The following LYST variants were observed in gnomAD, a reference collection of about 807,000 sequenced individuals.
LYST encodes lysosomal trafficking regulator.
In LYST, 192 loss-of-function variants were observed where a neutral mutation model predicts 413.6. The ratio of observed to expected loss-of-function variants is 0.46; its 90% CI spans 0.41 to 0.52. LYST has a LOEUF of 0.52. LYST is among the 20% of genes least tolerant of loss of function. The pLI is 0.00. For missense variants in LYST, 3,815 were observed against 4,499.9 expected (o/e 0.85, Z 4.35); for synonymous variants, 1,525 against 1,567.3 (o/e 0.97, Z 0.64).
intron 1 of LYST, among the ~76,000 whole-genome samples, chr1:235,876,170 C>T (rs1440379595): frequency 1.3e-5 from 2 of 151,708 alleles, no homozygotes; most frequent in African/African-American, 2.4e-5. Flanking sequence ...TGCAGTGAGC[C>T]GAGATCATGT....
chr1:235,781,986 T>C lies in LYST; in HGVS notation c.4964A>G (p.Gln1655Arg). Residue 1655 changes from glutamine (Q) to arginine (R), a missense_variant, in exon 15 of 53, where the codon CAA becomes CGA. Coordinates refer to ENST00000389793, the MANE Select transcript of LYST (RefSeq NM_000081.4). ...TCCAGCCAACTGCAAAAACTCTTCT[T>C]GGGATGATAAACAATGGCCAATCAT... ...FCMIGHCLSS[Q>R]EEFLQLAGKW... 1 of 1,613,956 alleles carries C rather than the reference T, an allele frequency of 6.2e-7. No homozygotes were observed. Among genetic ancestry groups the C allele is most frequent in the Non-Finnish European group, 8.5e-7 (1 of 1,179,876 alleles).
chr1:235,834,507 GGATT>G (rs1676336666), intron 1 of LYST, among the ~76,000 whole-genome samples: 1 of 152,064 alleles, frequency 6.6e-6, no homozygotes, highest in Non-Finnish European at 1.5e-5. Context: ...CAAAGTACTG[GGATT>G]ACAGGCGTGA....
chr1:235,796,788 G>A (rs1671597753), intron 10 of LYST, among the ~76,000 whole-genome samples: 1 of 152,192 alleles, frequency 6.6e-6, no homozygotes, highest in Non-Finnish European at 1.5e-5. Flanking sequence ...CCAGAACTGT[G>A]AGAAAATAAA....
chr1:235,760,396 T>C (rs1667472189), intron 22 of LYST, among the ~76,000 whole-genome samples: 1 of 152,254 alleles, frequency 6.6e-6, no homozygotes, highest in Non-Finnish European at 1.5e-5. Flanking sequence ...TCCTCCATTT[T>C]TGCAGTCACT....
chr1:235,699,590 A>G lies in LYST; in HGVS notation c.10375-2318T>C, dbSNP rs183230507. Among the ~76,000 whole-genome samples the G allele has an allele frequency of 2.0e-5, 3 of 152,328 alleles. No individual in the cohort carries two copies. In the East Asian group the frequency reaches 5.8e-4, roughly 29 times the overall value. On this transcript the variant is annotated intron_variant, in intron 45 of 52. Coordinates refer to ENST00000389793, the MANE Select transcript of LYST (RefSeq NM_000081.4). Reference sequence around the variant, plus strand: ...ATGATTTATATTCCTTTGAGTATATACCCAGTAATGGGATTGCTGAGTCAA... The same window carrying G: ...ATGATTTATATTCCTTTGAGTATATGCCCAGTAATGGGATTGCTGAGTCAA...
At chr1:235,801,906 CTA>C (rs1387946044) in intron 8 of LYST, among the ~76,000 whole-genome samples, 1 of 152,026 alleles carries the variant, frequency 6.6e-6, no homozygotes, top group Non-Finnish European at 1.5e-5. Flanking sequence ...TCAGTGAAGA[CTA>C]GCAGTGGCTG....
chr1:235,845,728 C>A (rs527874300), intron 1 of LYST, among the ~76,000 whole-genome samples: 1 of 152,170 alleles, frequency 6.6e-6, no homozygotes, highest in Non-Finnish European at 1.5e-5. Context: ...CCCCCACTTC[C>A]CTGACAACCT....
At chr1:235,713,476 C>T (rs1293770189) in intron 42 of LYST, among the ~76,000 whole-genome samples, 2 of 152,198 alleles carry the variant, frequency 1.3e-5, no homozygotes, top group African/African-American at 4.8e-5. Context: ...TTTTATTAAA[C>T]AGTACTACTA....
intron 46 of LYST, among the ~76,000 whole-genome samples, chr1:235,696,659 T>G (rs1239655832): frequency 6.6e-6 from 1 of 152,192 alleles, no homozygotes; most frequent in Non-Finnish European, 1.5e-5. Flanking sequence ...AAGGATTGGT[T>G]TTCAGGAATA....
At position 235,809,009 on chromosome 1, in the gene LYST, T is replaced by C. The variant is rs754157908; in HGVS notation, c.1809A>G (p.Ala603=). Residue 603 remains alanine (A), a synonymous_variant, in exon 5 of 53, where the codon GCA becomes GCG. Coordinates refer to ENST00000389793, the MANE Select transcript of LYST (RefSeq NM_000081.4). This position sits in a 1 kb window ranked among gnomAD's most constrained non-coding sequence, Gnocchi z 4.0. ...ATATATGCTGCTGAAAATTTTTCAG[T>C]GCTGGCAATTTAAAAGCATGGAGCA... The part of the protein sequence containing the change: ...IPLLHAFKLP[A]LKNFQQHILN... The C allele has an allele frequency of 3.7e-6, 6 of 1,613,932 alleles. No individual in the cohort carries two copies. The highest frequency in any genetic ancestry group is 1.7e-5 in the Admixed American group (1 of 59,994).
Position 235,682,772 on chromosome 1 carries a change from T to C in LYST, c.10800+4177A>G, listed in dbSNP as rs1018856411. 8.5e-5 allele frequency among the ~76,000 whole-genome samples: 13 copies of C among 152,228 alleles called. 1 individual carries two copies. The highest frequency in any genetic ancestry group is 8.5e-4 in the Admixed American group (13 of 15,288). ...AATATTAACTATTATTTTTATTATG[T>C]CATTTCTAGAAGTTCTATTTTATTT... On this transcript the variant is annotated intron_variant, in intron 48 of 52. Transcript: ENST00000389793.
chr1:235,729,553 A>G, intron 37 of LYST, 43 bp downstream of exon 37: 1 of 1,237,186 alleles, frequency 8.1e-7, no homozygotes, highest in Non-Finnish European at 1.2e-6. Flanking sequence ...GAATCAAATA[A>G]GGCAGGGTGA....
chr1:235,772,828 A>G (rs188874588), intron 19 of LYST, among the ~76,000 whole-genome samples: 1 of 152,240 alleles, frequency 6.6e-6, no homozygotes, highest in Admixed American at 6.5e-5. Context: ...TGATCCAGAT[A>G]AGCCCATATG....
chr1:235,827,495 C>T (rs1387275954), intron 3 of LYST: 9 of 981,338 alleles, frequency 9.2e-6, no homozygotes, highest in Middle Eastern at 5.2e-4. Context: ...ACTAAATTTC[C>T]TCCTAAAACA....
At chr1:235,789,095 T>G (rs1454528069) in intron 12 of LYST, among the ~76,000 whole-genome samples, 1 of 152,162 alleles carries the variant, frequency 6.6e-6, no homozygotes, top group Non-Finnish European at 1.5e-5. Flanking sequence ...GTATAATAAC[T>G]GAGGACAATT....
At chr1:235,754,042 T>C (rs921462198) in intron 25 of LYST, among the ~76,000 whole-genome samples, 1 of 152,046 alleles carries the variant, frequency 6.6e-6, no homozygotes, top group East Asian at 1.9e-4. Flanking sequence ...TTACACTTAT[T>C]TGCTAATCCA....
At position 235,731,107 on chromosome 1, in the gene LYST, C is replaced by G. The variant is rs777030324; in HGVS notation, c.8872G>C (p.Glu2958Gln). The G allele has an allele frequency of 1.2e-6, 2 of 1,613,850 alleles. No homozygotes were observed. The highest frequency in any genetic ancestry group is 3.3e-5 in the Admixed American group (2 of 60,018). ...QLDPTEGPNRERRRLQRCYLT... is the reference protein window; with the variant it reads ...QLDPTEGPNRQRRRLQRCYLT... The stretch of plus-strand genomic sequence containing the variant: ...TAACATCTCTGTAAACGTCTCCTCT[C>G]TCGATTTGGCCCTTCTGTTGGATCC... The change falls in exon 35 of 53, where the codon GAG (glutamate) becomes CAG (glutamine). Residue 2958 changes from glutamate to glutamine, a missense_variant. Physicochemically the swap from Glu to Gln is conservative, Grantham distance 29. Transcript: ENST00000389793.
At chr1:235,823,661 C>A (rs1675019986) in intron 3 of LYST, among the ~76,000 whole-genome samples, 1 of 152,264 alleles carries the variant, frequency 6.6e-6, no homozygotes, top group South Asian at 2.1e-4. Context: ...GCTGTAACTT[C>A]ACTAAACTAC....
chr1:235,801,230 T>C, intron 8 of LYST, 133 bp from the exon 9 acceptor site: 3 of 669,324 alleles, frequency 4.5e-6, no homozygotes, highest in Non-Finnish European at 8.0e-6. Context: ...TCCAATCTTT[T>C]CCTATAACAC....
Sources: gnomAD v4.1 joint callset for allele counts (sites outside exome capture counted in the v4.1 genomes callset) on GRCh38, gnomAD v4.1.1 for gene constraint, Gnocchi (gnomAD v3.1) non-coding constraint, MANE v1.5 for transcripts, NCBI Gene and HGNC (gene_info 2026-07-23, HGNC 2026-07-21) for gene names.